Variants in PTP4A3 observed in about 807,000 individuals in gnomAD.
PTP4A3 encodes protein tyrosine phosphatase type IVA 3.
Under a neutral mutation model 15.2 loss-of-function variants are expected in PTP4A3, and 9 were observed. That is an observed-to-expected ratio of 0.59 (90% confidence interval 0.36 to 1.03). The LOEUF (loss-of-function observed/expected upper bound fraction) is 1.03. Among genes scored for constraint, PTP4A3 ranks in the 50% least tolerant of loss-of-function variants. PTP4A3 has a pLI of 0.02. For missense variants in PTP4A3, 234 were observed against 252.1 expected, an observed-to-expected ratio of 0.93 and a Z score of 0.49; for synonymous variants, 95 against 102.0, an observed-to-expected ratio of 0.93 and a Z score of 0.41.
intron 5 of PTP4A3, 80 bp from the exon 6 acceptor site, chr8:141,430,847 C>T: frequency 5.7e-6 from 8 of 1,410,990 alleles, no homozygotes; most frequent in Non-Finnish European, 8.0e-6. Context: ...ACTGCACTCT[C>T]AGATTCCAGC....
In PTP4A3 at chr8:141,422,176, C is replaced by T; in HGVS notation, c.-65C>T. On this transcript the variant is annotated 5_prime_UTR_variant, in exon 2 of 6. Coordinates refer to ENST00000521578, the MANE Select transcript of PTP4A3 (RefSeq NM_032611.3). ...ATTTTTTGGGGGTGTGTGGGGACTT[C>T]TCAGGTCGTGTCCCCAGCCTTCTCT... is the stretch of plus-strand genomic sequence containing the variant. 7.9e-6 allele frequency: 12 copies of T among 1,516,328 alleles called. No homozygotes were observed. The highest frequency in any genetic ancestry group is 1.1e-5 in the Non-Finnish European group (12 of 1,094,990). 93.9% of individuals were successfully genotyped at this position (1,516,328 alleles called of 1,614,324 possible).
rs1335394208 is a variant in PTP4A3 at position 141,404,164 on chromosome 8, C to T, written c.-854+12080C>T. Among the ~76,000 whole-genome samples, 3 of 152,284 alleles carry T rather than the reference C, an allele frequency of 2.0e-5. No homozygotes were observed. The East Asian group carries it at 5.8e-4, about 29-fold the overall frequency. ...AGAAAACCCACACAGACCTGGGGAGCTCGTGCACATGCCACGCAATGGCCC... is the reference window on the plus strand; with the variant it reads ...AGAAAACCCACACAGACCTGGGGAGTTCGTGCACATGCCACGCAATGGCCC... On this transcript the variant is annotated intron_variant, in intron 1 of 5. Coordinates refer to ENST00000521578, the MANE Select transcript of PTP4A3 (RefSeq NM_032611.3).
At chr8:141,419,470 C>T (rs1312438022) in intron 1 of PTP4A3, among the ~76,000 whole-genome samples, 7 of 152,212 alleles carry the variant, frequency 4.6e-5, no homozygotes. Context: ...ACACTCAGAG[C>T]CTGTGCTCCC....
chr8:141,393,927 A>C (rs1345629084), intron 1 of PTP4A3, among the ~76,000 whole-genome samples: 1 of 152,236 alleles, frequency 6.6e-6, no homozygotes, highest in Non-Finnish European at 1.5e-5. Context: ...ACAGATGCTT[A>C]ACCAAATCCT....
At chr8:141,429,849 A>G (rs80103277) in intron 5 of PTP4A3, among the ~76,000 whole-genome samples, 1 of 998 alleles carries the variant, frequency 1.0e-3, no homozygotes, top group Non-Finnish European at 2.4e-3. Context: ...GGTGGCGGGG[A>G]CAGGGTGAGC....
chr8:141,422,912 C>T (rs1833402834), intron 2 of PTP4A3, among the ~76,000 whole-genome samples: 1 of 152,230 alleles, frequency 6.6e-6, no homozygotes, highest in African/African-American at 2.4e-5. Flanking sequence ...GATGCGTTTA[C>T]AGAAGCTTTC....
At chr8:141,393,269 C>G (rs1180495634) in intron 1 of PTP4A3, among the ~76,000 whole-genome samples, 2 of 152,192 alleles carry the variant, frequency 1.3e-5, no homozygotes, top group Non-Finnish European at 2.9e-5. Flanking sequence ...CCTTGTTGTC[C>G]CCATCTGCAA....
rs748103780 is a variant in PTP4A3 at position 141,397,894 on chromosome 8, G to A, written c.-854+5810G>A. 5.6e-4 allele frequency among the ~76,000 whole-genome samples: 86 copies of A among 152,338 alleles called. 1 individual carries two copies. The highest frequency in any genetic ancestry group is 1.9e-3 in the African/African-American group (80 of 41,586). On this transcript the variant is annotated intron_variant, in intron 1 of 5. Coordinates refer to ENST00000521578, the MANE Select transcript of PTP4A3 (RefSeq NM_032611.3). ...ACTAGCCCGCTCTCTGTCCAGGGTC[G>A]GCCCGGCTCCTGCCTTTATCATGTG...
intron 1 of PTP4A3, among the ~76,000 whole-genome samples, chr8:141,396,484 C>T (rs1005848666): frequency 7.2e-5 from 11 of 152,136 alleles, no homozygotes; most frequent in South Asian, 2.1e-4. Context: ...AATCTGGCCC[C>T]GGGCAGCCCG....
chr8:141,423,698 A>C (rs1833436373), intron 2 of PTP4A3, among the ~76,000 whole-genome samples: 1 of 151,194 alleles, frequency 6.6e-6, no homozygotes, highest in African/African-American at 2.4e-5. Flanking sequence ...GTCTGGGATC[A>C]GGGCTCAGTA....
intron 1 of PTP4A3, among the ~76,000 whole-genome samples, chr8:141,398,991 C>T (rs552941948): frequency 1.2e-3 from 177 of 152,220 alleles, no homozygotes; most frequent in African/African-American, 3.7e-3. Context: ...CCCCTTCCCA[C>T]GGGACCGGTG....
In PTP4A3 at chr8:141,431,469, C is replaced by T; in HGVS notation, c.*425C>T. 6.0e-6 allele frequency: 1 copy of T among 166,456 alleles called. No homozygotes were observed. The highest frequency in any genetic ancestry group is 1.3e-5 in the Non-Finnish European group (1 of 77,970). The allele number at this position is 166,456 out of a possible 1,614,324, so 10.3% of individuals were successfully genotyped here. ...TCTCGGCACCTTAAATTATTAGACCCCGGGGCAGTCAGGTGCTCCGGACAC... is the reference window on the plus strand; with the variant it reads ...TCTCGGCACCTTAAATTATTAGACCTCGGGGCAGTCAGGTGCTCCGGACAC... On this transcript the variant is annotated 3_prime_UTR_variant, in exon 6 of 6. Transcript: ENST00000521578.
chr8:141,410,779 G>A (rs1832848839), intron 1 of PTP4A3, among the ~76,000 whole-genome samples: 1 of 152,198 alleles, frequency 6.6e-6, no homozygotes, highest in Non-Finnish European at 1.5e-5. Context: ...GAGCCAGGAG[G>A]GGAACCAGGT....
chr8:141,394,110 A>G (rs1045483256), intron 1 of PTP4A3, among the ~76,000 whole-genome samples: 6 of 152,126 alleles, frequency 3.9e-5, no homozygotes, highest in South Asian at 2.1e-4. Context: ...CTGGTGCCCA[A>G]TGCCTATGCA....
chr8:141,425,953 A>C lies in PTP4A3; in HGVS notation c.198+813A>C, dbSNP rs569568153. ...TCCGAGCCTTGGGTTCCTCACCTCAAAGCGAGGCTGCTTGGAAGAATGGGA... is the reference window on the plus strand; with the variant it reads ...TCCGAGCCTTGGGTTCCTCACCTCACAGCGAGGCTGCTTGGAAGAATGGGA... On this transcript the variant is annotated intron_variant, in intron 3 of 5. Transcript: ENST00000521578. This position sits in a 1 kb window ranked among gnomAD's most constrained non-coding sequence, Gnocchi z 4.2. 8.5e-5 allele frequency among the ~76,000 whole-genome samples: 13 copies of C among 152,298 alleles called. No individual in the cohort carries two copies. The South Asian group carries it at 1.0e-3, about 12-fold the overall frequency.
At chr8:141,414,872 T>C (rs1205510171) in intron 1 of PTP4A3, among the ~76,000 whole-genome samples, 3 of 151,778 alleles carry the variant, frequency 2.0e-5, no homozygotes, top group Non-Finnish European at 4.4e-5. Flanking sequence ...TCACCAGGCC[T>C]AGGGCAGCAT....
chr8:141,418,218 G>T (rs1010001938), intron 1 of PTP4A3, among the ~76,000 whole-genome samples: 5 of 152,174 alleles, frequency 3.3e-5, no homozygotes, highest in South Asian at 2.1e-4. Context: ...TGACCGCGGC[G>T]CAGCTTACTT....
chr8:141,429,993 G>A lies in PTP4A3; in HGVS notation c.405-934G>A, dbSNP rs77864670. On this transcript the variant is annotated intron_variant, in intron 5 of 5. Transcript: ENST00000521578. ...CCCACGTCCCCGCTGTAAGGACCAG[G>A]TGGCGGGGACAGGGTGAGCGCACAG... 3.5e-4 allele frequency among the ~76,000 whole-genome samples: 16 copies of A among 46,022 alleles called. 1 individual carries two copies. The highest frequency in any genetic ancestry group is 6.4e-4 in the African/African-American group (9 of 14,090). 30.2% of individuals were successfully genotyped at this position (46,022 alleles called of 152,430 possible).
intron 5 of PTP4A3, among the ~76,000 whole-genome samples, chr8:141,429,336 G>A (rs1439625366): frequency 6.6e-6 from 1 of 152,272 alleles, no homozygotes; most frequent in Non-Finnish European, 1.5e-5. Flanking sequence ...GTCATGGCAG[G>A]TGGGGATGGA....
Sources: gnomAD v4.1 joint callset for allele counts (sites outside exome capture counted in the v4.1 genomes callset) on GRCh38, gnomAD v4.1.1 for gene constraint, Gnocchi (gnomAD v3.1) non-coding constraint, MANE v1.5 for transcripts, NCBI Gene and HGNC (gene_info 2026-07-23, HGNC 2026-07-21) for gene names.